The following KIRREL1 variants were observed in gnomAD, a reference collection of about 807,000 sequenced individuals.
KIRREL1 encodes kin of IRRE-like protein 1.
In KIRREL1, 25 loss-of-function variants were observed where a neutral mutation model predicts 83.3. The ratio of observed to expected loss-of-function variants is 0.30; its 90% CI spans 0.22 to 0.42. The LOEUF is 0.42. Among genes scored for constraint, KIRREL1 ranks in the 10% least tolerant of loss-of-function variants. KIRREL1 has a pLI of 1.00. For missense variants in KIRREL1, 812 were observed against 1,032.3 expected, an observed-to-expected ratio of 0.79 and a Z score of 2.92; for synonymous variants, 388 against 410.4, an observed-to-expected ratio of 0.95 and a Z score of 0.66.
chr1:158,075,669 T>C (rs539687382), intron 1 of KIRREL1, among the ~76,000 whole-genome samples: 2 of 152,222 alleles, frequency 1.3e-5, no homozygotes, highest in African/African-American at 4.8e-5. Context: ...GAGTCATTAA[T>C]GTGGGGGTGG....
At chr1:158,035,868 A>G (rs1660463001) in intron 1 of KIRREL1, among the ~76,000 whole-genome samples, 1 of 152,158 alleles carries the variant, frequency 6.6e-6, no homozygotes, top group Non-Finnish European at 1.5e-5. Flanking sequence ...GGAGGAACAT[A>G]CCTTTGCCCC....
intron 1 of KIRREL1, among the ~76,000 whole-genome samples, chr1:158,015,451 GC>G (rs1659803102): frequency 1.3e-5 from 2 of 152,164 alleles, no homozygotes; most frequent in Admixed American, 6.5e-5. Context: ...AATGGTTTTG[GC>G]CCCTTAAAGA....
intron 1 of KIRREL1, among the ~76,000 whole-genome samples, chr1:158,061,703 T>A (rs1388241705): frequency 6.6e-6 from 1 of 152,094 alleles, no homozygotes; most frequent in Non-Finnish European, 1.5e-5. Flanking sequence ...TGCCCCCAGA[T>A]CAGCAGAATT....
intron 1 of KIRREL1, among the ~76,000 whole-genome samples, chr1:158,065,778 G>T (rs1203370619): frequency 6.6e-6 from 1 of 150,408 alleles, no homozygotes; most frequent in Non-Finnish European, 1.5e-5. Flanking sequence ...TTCAGATGAG[G>T]CCAGAGGGTG....
intron 1 of KIRREL1, among the ~76,000 whole-genome samples, chr1:158,032,066 C>T (rs1047227330): frequency 6.7e-6 from 1 of 149,276 alleles, no homozygotes; most frequent in African/African-American, 2.5e-5. Flanking sequence ...GCAACAGAGC[C>T]AGATCCTATA....
At chr1:158,012,848 C>T (rs144633196) in intron 1 of KIRREL1, among the ~76,000 whole-genome samples, 123 of 152,334 alleles carry the variant, frequency 8.1e-4, no homozygotes, top group Non-Finnish European at 1.6e-3. Context: ...AACTGAGTCC[C>T]AGAATGGGGA....
At chr1:158,012,374 C>T (rs1659712345) in intron 1 of KIRREL1, among the ~76,000 whole-genome samples, 4 of 152,168 alleles carry the variant, frequency 2.6e-5, no homozygotes, top group Admixed American at 2.0e-4. Context: ...ACCCGTGTGA[C>T]CTTGTGCAAG....
At chr1:158,070,393 T>C (rs1209682844) in intron 1 of KIRREL1, among the ~76,000 whole-genome samples, 5 of 152,224 alleles carry the variant, frequency 3.3e-5, no homozygotes. Context: ...TGGATTATTA[T>C]GCAGAAACAG....
intron 1 of KIRREL1, among the ~76,000 whole-genome samples, chr1:158,047,269 G>A (rs1054144014): frequency 3.9e-5 from 6 of 152,168 alleles, no homozygotes; most frequent in South Asian, 2.1e-4. Context: ...ACCAGGGGTC[G>A]TCATGATGAA....
In KIRREL1 at chr1:158,084,530, T is replaced by C; in HGVS notation, c.461T>C (p.Ile154Thr). 1 of 1,551,736 alleles carries C rather than the reference T, an allele frequency of 6.4e-7. No individual in the cohort carries two copies. The highest frequency in any genetic ancestry group is 8.7e-7 in the Non-Finnish European group (1 of 1,147,002). ...TTCAATGCGAAGCCTGCTGCCACCA[T>C]CATCTGGTTCCGGGACGGGACGCAG... is the stretch of plus-strand genomic sequence containing the variant. ...RAFNAKPAAT[I>T]IWFRDGTQQE... The change falls in exon 4 of 15, where the codon ATC (isoleucine) becomes ACC (threonine). Residue 154 changes from isoleucine (I) to threonine (T), a missense_variant. Physicochemically the swap from Ile to Thr is moderately conservative, Grantham distance 89 (BLOSUM62 -1). Coordinates refer to ENST00000359209, the MANE Select transcript of KIRREL1 (RefSeq NM_018240.7).
At chr1:158,053,290 T>C (rs1660957678) in intron 1 of KIRREL1, among the ~76,000 whole-genome samples, 1 of 152,156 alleles carries the variant, frequency 6.6e-6, no homozygotes, top group African/African-American at 2.4e-5. Flanking sequence ...GCATTAAATA[T>C]TGAGTGGGTA....
At chr1:158,033,350 G>T (rs1351655113) in intron 1 of KIRREL1, among the ~76,000 whole-genome samples, 1 of 152,200 alleles carries the variant, frequency 6.6e-6, no homozygotes, top group East Asian at 1.9e-4. Context: ...GGGATTACAG[G>T]CGTGAGCCAC....
At chr1:158,035,530 C>T (rs901573914) in intron 1 of KIRREL1, among the ~76,000 whole-genome samples, 1 of 152,216 alleles carries the variant, frequency 6.6e-6, no homozygotes, top group Admixed American at 6.5e-5. Flanking sequence ...GCACAAGACA[C>T]TGCTAGATAT....
chr1:158,010,459 A>ACACACACT (rs1659654510), intron 1 of KIRREL1, among the ~76,000 whole-genome samples: 1 of 144,498 alleles, frequency 6.9e-6, no homozygotes. Context: ...ACACACACAC[A>ACACACACT]CTGTCCTGAG....
chr1:158,033,975 C>T (rs939763399), intron 1 of KIRREL1, among the ~76,000 whole-genome samples: 48 of 145,536 alleles, frequency 3.3e-4, no homozygotes, highest in African/African-American at 1.1e-3. Context: ...TGAACTCCAT[C>T]GGAAAAAAAA....
intron 1 of KIRREL1, among the ~76,000 whole-genome samples, chr1:158,004,713 G>T (rs1335537037): frequency 1.3e-5 from 2 of 152,292 alleles, no homozygotes; most frequent in East Asian, 3.9e-4. Context: ...GGAGGTCCAG[G>T]TGGGCGCATC....
At chr1:157,994,890 C>CA (rs1207591276) in intron 1 of KIRREL1, among the ~76,000 whole-genome samples, 1 of 152,206 alleles carries the variant, frequency 6.6e-6, no homozygotes, top group Non-Finnish European at 1.5e-5. Context: ...GGCACACACT[C>CA]ACGCATTCAT....
intron 1 of KIRREL1, among the ~76,000 whole-genome samples, chr1:158,067,922 C>G (rs16839719): frequency 0.014 from 2,148 of 152,322 alleles, 48 homozygotes; most frequent in African/African-American, 0.049. Context: ...ACCATGGTCA[C>G]TTGTAAAATC....
chr1:158,073,332 C>T (rs529783028), intron 1 of KIRREL1, among the ~76,000 whole-genome samples: 15 of 152,328 alleles, frequency 9.8e-5, no homozygotes, highest in Non-Finnish European at 2.1e-4. Context: ...AAGTCAGATA[C>T]CACCTTCTTT....
Sources: allele counts gnomAD v4.1 joint callset (sites outside exome capture counted in the v4.1 genomes callset), GRCh38; gene constraint gnomAD v4.1.1; transcripts MANE v1.5; gene names NCBI Gene and HGNC (gene_info 2026-07-23, HGNC 2026-07-21).